PEX14: variants seen among roughly 807,000 people sequenced by gnomAD.
The protein encoded by PEX14 is peroxisomal membrane protein PEX14.
A neutral mutation model predicts 49.5 loss-of-function variants in PEX14; 15 were observed. That is an observed-to-expected ratio of 0.30 (90% CI 0.20 to 0.47). PEX14 has a LOEUF of 0.47. PEX14 is among the 20% of genes least tolerant of loss of function. The probability of loss-of-function intolerance (pLI) is 1.00; values close to 1 mark genes in which losing one functional copy is unlikely to be tolerated. For missense variants in PEX14, 398 were observed against 494.8 expected (o/e 0.80, Z 1.86); for synonymous variants, 210 against 212.7 (o/e 0.99, Z 0.11).
At chr1:10,540,601 GA>G (rs59541219) in intron 3 of PEX14, among the ~76,000 whole-genome samples, 60 of 150,540 alleles carry the variant, frequency 4.0e-4, no homozygotes, top group African/African-American at 9.5e-4. Flanking sequence ...CCATCTCCAG[GA>G]AAAAAAAAAT....
chr1:10,577,728 G>A (rs1053315033), intron 3 of PEX14, among the ~76,000 whole-genome samples: 1 of 148,104 alleles, frequency 6.8e-6, no homozygotes, highest in African/African-American at 2.5e-5. Flanking sequence ...AGCCTCCTGA[G>A]TAGCTGGGAC....
intron 2 of PEX14, among the ~76,000 whole-genome samples, chr1:10,533,758 C>T (rs760731399): frequency 6.6e-6 from 1 of 152,144 alleles, no homozygotes; most frequent in Non-Finnish European, 1.5e-5. Context: ...ATTTTTAAGC[C>T]ATTATGCATG....
chr1:10,505,233 G>A (rs563505815), intron 2 of PEX14, among the ~76,000 whole-genome samples: 31 of 152,320 alleles, frequency 2.0e-4, no homozygotes, highest in Admixed American at 9.1e-4. Flanking sequence ...ACCTTGCGAG[G>A]CTGAGGCAAG....
rs114033826 is a variant in PEX14, at chr1:10,493,257, C to T, written c.37-2017C>T. Among the ~76,000 whole-genome samples, 1,098 of 152,092 alleles carry T rather than the reference C, an allele frequency of 7.2e-3. 14 individuals carry two copies. The highest frequency in any genetic ancestry group is 0.025 in the African/African-American group (1,041 of 41,470). Reference sequence around the variant, plus strand: ...GTGAGTGGGTGGACAAGGGATGGGACGAGCAGATTCTCCTTTGGAAATGAT... The same window carrying T: ...GTGAGTGGGTGGACAAGGGATGGGATGAGCAGATTCTCCTTTGGAAATGAT... On this transcript the variant is annotated intron_variant, in intron 1 of 8. Coordinates refer to ENST00000356607, the MANE Select transcript of PEX14 (RefSeq NM_004565.3).
At chr1:10,558,189 A>G (rs1355466845) in intron 3 of PEX14, among the ~76,000 whole-genome samples, 1 of 151,994 alleles carries the variant, frequency 6.6e-6, no homozygotes, top group East Asian at 2.0e-4. Context: ...TGTATTTTTA[A>G]TAGAGATGGG....
chr1:10,621,294 G>T (rs1387666818), intron 5 of PEX14, among the ~76,000 whole-genome samples: 1 of 149,868 alleles, frequency 6.7e-6, no homozygotes, highest in Non-Finnish European at 1.5e-5. Flanking sequence ...TAGGACTTCT[G>T]ATCTCAGAAA....
intron 2 of PEX14, among the ~76,000 whole-genome samples, chr1:10,520,146 TTC>T (rs1400175303): frequency 4.7e-5 from 2 of 42,688 alleles, no homozygotes; most frequent in Non-Finnish European, 1.2e-4. Context: ...GGCCTTCTTC[TTC>T]TTTTTTTTTT....
At chr1:10,510,532 T>C (rs554776253) in intron 2 of PEX14, among the ~76,000 whole-genome samples, 4 of 152,340 alleles carry the variant, frequency 2.6e-5, no homozygotes, top group South Asian at 4.1e-4. Context: ...CAGGCACTTA[T>C]GTAAGACTTT....
Position 10,624,343 on chromosome 1 carries a change from C to G in PEX14, c.491C>G (p.Thr164Ser), listed in dbSNP as rs1173356100. The stretch of plus-strand genomic sequence containing the variant: ...CGTGACTGCTTTCTCCTCGCAGTGA[C>G]TCAGTTACAGACGACCCTCGCCTCC... ...ELSGSVAQTV[T>S]QLQTTLASVQ... Residue 164 changes from threonine (T) to serine (S), a missense_variant, in exon 7 of 9, where the codon ACT becomes AGT. Physicochemically the swap from Thr to Ser is moderately conservative, Grantham distance 58. Around this residue, in one of 3 missense-constraint regions of PEX14, gnomAD observed 202 missense variants for 298.5 expected, o/e 0.68. Transcript: ENST00000356607. The G allele has an allele frequency of 6.2e-7, 1 of 1,608,412 alleles. No homozygotes were observed. The highest frequency in any genetic ancestry group is 8.5e-7 in the Non-Finnish European group (1 of 1,175,242).
rs751826853 is a variant in PEX14, at chr1:10,475,002, G to C, written c.36G>C (p.Gln12His). 7 of 1,609,954 alleles carry C rather than the reference G, an allele frequency of 4.3e-6. No individual in the cohort carries two copies. In the South Asian group the frequency reaches 7.8e-5, roughly 18 times the overall value. ...CGGAGCAGGCAGAGCAGCCGAGCCA[G>C]GTAAGGGGAGTGGGACTGCCCCGCT... ...ASSEQAEQPS[Q>H]PSSTPGSENV... The change falls in exon 1 of 9, where the codon CAG (glutamine) becomes CAC (histidine). Residue 12 changes from glutamine to histidine, a missense_variant and splice_region_variant. By Grantham distance (24) the Gln-to-His change is conservative. Coordinates refer to ENST00000356607, the MANE Select transcript of PEX14 (RefSeq NM_004565.3).
intron 3 of PEX14, among the ~76,000 whole-genome samples, chr1:10,582,177 CT>C (rs879519117): frequency 0.016 from 2,281 of 144,738 alleles, 36 homozygotes; most frequent in African/African-American, 0.046. Flanking sequence ...TGATAAACAG[CT>C]TTTTTTTTTT....
intron 2 of PEX14, among the ~76,000 whole-genome samples, chr1:10,513,718 T>C (rs1489150075): frequency 6.6e-6 from 1 of 152,214 alleles, no homozygotes; most frequent in Non-Finnish European, 1.5e-5. Context: ...CTGACTATTA[T>C]ATAGCCCTTA....
intron 3 of PEX14, among the ~76,000 whole-genome samples, chr1:10,576,482 T>C (rs1378234584): frequency 1.3e-5 from 2 of 152,204 alleles, no homozygotes; most frequent in African/African-American, 4.8e-5. Context: ...ATTTAAATAT[T>C]CATCCACATT....
chr1:10,568,694 T>C (rs899426149), intron 3 of PEX14, among the ~76,000 whole-genome samples: 1 of 152,124 alleles, frequency 6.6e-6, no homozygotes, highest in African/African-American at 2.4e-5. Flanking sequence ...TCAGACATCA[T>C]GAATTTGAGG....
chr1:10,537,472 C>G (rs1280594628), intron 3 of PEX14, among the ~76,000 whole-genome samples: 1 of 151,832 alleles, frequency 6.6e-6, no homozygotes, highest in African/African-American at 2.4e-5. Flanking sequence ...AGTAATTAAT[C>G]ATAAAAGCTT....
chr1:10,625,632 G>A (rs1311548132), intron 7 of PEX14, among the ~76,000 whole-genome samples: 3 of 152,200 alleles, frequency 2.0e-5, no homozygotes, highest in Non-Finnish European at 2.9e-5. Context: ...ACTGCAATGC[G>A]TGTTCTCCAC....
intron 2 of PEX14, among the ~76,000 whole-genome samples, chr1:10,500,341 T>G (rs1260928183): frequency 8.6e-6 from 1 of 116,654 alleles, no homozygotes; most frequent in Non-Finnish European, 1.6e-5. Context: ...GCTACTGCCC[T>G]GCAGCCTGGG....
intron 3 of PEX14, among the ~76,000 whole-genome samples, chr1:10,556,410 T>A (rs1240558162): frequency 3.9e-5 from 6 of 152,078 alleles, no homozygotes; most frequent in Admixed American, 2.6e-4. Flanking sequence ...TATCTGCACG[T>A]GTTCTTTTTC....
At chr1:10,582,367 A>G (rs1213085231) in intron 3 of PEX14, among the ~76,000 whole-genome samples, 1 of 152,204 alleles carries the variant, frequency 6.6e-6, no homozygotes, top group East Asian at 1.9e-4. Flanking sequence ...TACAGTAATG[A>G]ATAAGGCAGA....
Sources: allele counts gnomAD v4.1 joint callset (sites outside exome capture counted in the v4.1 genomes callset), GRCh38; gene constraint gnomAD v4.1.1; regional missense constraint gnomAD v4.1.1; transcripts MANE v1.5; gene names NCBI Gene and HGNC (gene_info 2026-07-23, HGNC 2026-07-21).